XPO6: variants seen among roughly 807,000 people sequenced by gnomAD.
XPO6 encodes the protein exportin-6.
XPO6 carries 3 observed loss-of-function variants against 130.0 expected under a neutral mutation model. The ratio of observed to expected loss-of-function variants is 0.02; its 90% CI spans 0.01 to 0.06. The LOEUF (loss-of-function observed/expected upper bound fraction) is 0.06, where lower values mean the gene tolerates loss of function less well. XPO6 is among the 10% of genes least tolerant of loss of function. The probability of loss-of-function intolerance (pLI) is 1.00; values close to 1 mark genes in which losing one functional copy is unlikely to be tolerated. For missense variants in XPO6, 970 were observed against 1,393.0 expected, an observed-to-expected ratio of 0.70 and a Z score of 4.83; for synonymous variants, 524 against 548.9, an observed-to-expected ratio of 0.95 and a Z score of 0.63.
At position 28,101,982 on chromosome 16, in the gene XPO6, C is replaced by G. The variant is rs1200764751; in HGVS notation, c.2947-37G>C. On this transcript the variant is annotated intron_variant, in intron 21 of 23. Coordinates refer to ENST00000304658, the MANE Select transcript of XPO6 (RefSeq NM_015171.4). The surrounding 1 kb of genome is among the most constrained non-coding windows in gnomAD (Gnocchi z 5.4). The stretch of plus-strand genomic sequence containing the variant: ...GACCACCATTTTATAAACTGCAAGA[C>G]CAAGCACTTCTGGAGCATCTACCCC... 13 of 1,566,572 alleles carry G rather than the reference C, an allele frequency of 8.3e-6. No individual in the cohort carries two copies. The highest frequency in any genetic ancestry group is 1.1e-5 in the Non-Finnish European group (12 of 1,139,526).
Position 28,181,520 on chromosome 16 carries a change from T to TG in XPO6, c.4-490_4-489insC, listed in dbSNP as rs1281274932. On this transcript the variant is annotated intron_variant, in intron 1 of 23. Transcript: ENST00000304658. Reference sequence around the variant, plus strand: ...TTGGGGGGTAACCAGGGAGAGTGGTTTTTTTTTTTTTAAGAGACAGGGTCT... The same window carrying TG: ...TTGGGGGGTAACCAGGGAGAGTGGTTGTTTTTTTTTTTAAGAGACAGGGTCT... Among the ~76,000 whole-genome samples the TG allele has an allele frequency of 2.7e-3, 394 of 146,410 alleles. 1 individual carries two copies. Among genetic ancestry groups the TG allele is most frequent in the Non-Finnish European group, 3.0e-3 (200 of 66,766 alleles).
intron 1 of XPO6, among the ~76,000 whole-genome samples, chr16:28,203,678 T>C (rs904046997): frequency 2.6e-4 from 39 of 152,162 alleles, no homozygotes; most frequent in African/African-American, 9.2e-4. Context: ...CTACTCTCAA[T>C]CGCCAGGTTA....
intron 1 of XPO6, among the ~76,000 whole-genome samples, chr16:28,204,237 A>G (rs1208599315): frequency 1.3e-5 from 2 of 152,132 alleles, no homozygotes; most frequent in Admixed American, 1.3e-4. Flanking sequence ...GACCAACCTC[A>G]TTAATAATAT....
intron 1 of XPO6, among the ~76,000 whole-genome samples, chr16:28,199,474 G>C (rs1480450349): frequency 6.6e-6 from 1 of 151,896 alleles, no homozygotes; most frequent in Non-Finnish European, 1.5e-5. Context: ...GACAGGTTTC[G>C]CCATGTTGGT....
intron 4 of XPO6, among the ~76,000 whole-genome samples, chr16:28,173,476 C>T (rs1353996923): frequency 1.3e-5 from 2 of 152,160 alleles, no homozygotes; most frequent in African/African-American, 2.4e-5. Flanking sequence ...GGGGCAGTAG[C>T]TCACGCCTAT....
intron 14 of XPO6, among the ~76,000 whole-genome samples, chr16:28,120,115 G>A (rs2087193286): frequency 6.6e-6 from 1 of 152,136 alleles, no homozygotes; most frequent in Non-Finnish European, 1.5e-5. Context: ...AAAATGCTGG[G>A]ATTACAGGTA....
chr16:28,184,844 T>G (rs1678358841), intron 1 of XPO6, among the ~76,000 whole-genome samples: 1 of 152,168 alleles, frequency 6.6e-6, no homozygotes, highest in South Asian at 2.1e-4. Context: ...GGTGGGAGTA[T>G]ACACTGGTAC....
chr16:28,190,913 C>T (rs2043777181), intron 1 of XPO6, among the ~76,000 whole-genome samples: 2 of 150,354 alleles, frequency 1.3e-5, no homozygotes, highest in Non-Finnish European at 3.0e-5. Flanking sequence ...ATAACGTTAA[C>T]AGGACAAAAT....
In XPO6 at chr16:28,106,582, C is replaced by T; in HGVS notation, c.2498-85G>A. The T allele has an allele frequency of 9.5e-7, 1 of 1,049,734 alleles. No homozygotes were observed. The highest frequency in any genetic ancestry group is 1.5e-6 in the Non-Finnish European group (1 of 683,172). 65.0% of individuals were successfully genotyped at this position (1,049,734 alleles called of 1,614,324 possible). A position where few individuals can be genotyped will look rare whatever the true frequency, so the allele number is the denominator to read the frequency against. ...GGCTTCATCAACCTACTCCTGAAAT[C>T]TGCACTATCAGCTTTCTCTACAGCT... On this transcript the variant is annotated intron_variant, in intron 18 of 23. Transcript: ENST00000304658. This position sits in a 1 kb window ranked among gnomAD's most constrained non-coding sequence, Gnocchi z 4.2.
Position 28,098,398 on chromosome 16 carries a change from C to T in XPO6, c.*140G>A, listed in dbSNP as rs1182981079. ...TGGGCAGCGGCAAGATGTGGAGGAG[C>T]GGCAGAGGCAGGCAGCGTTGCTTGC... is the stretch of plus-strand genomic sequence containing the variant. On this transcript the variant is annotated 3_prime_UTR_variant, in exon 24 of 24. Transcript: ENST00000304658. 7.2e-6 allele frequency: 5 copies of T among 690,836 alleles called. No homozygotes were observed. The highest frequency in any genetic ancestry group is 1.2e-5 in the Non-Finnish European group (5 of 410,624). The allele number at this position is 690,836 out of a possible 1,614,324, so 42.8% of individuals were successfully genotyped here.
chr16:28,206,099 T>C (rs2044025126), intron 1 of XPO6, among the ~76,000 whole-genome samples: 1 of 148,272 alleles, frequency 6.7e-6, no homozygotes, highest in South Asian at 2.1e-4. Flanking sequence ...AATGGGTTCA[T>C]AGGTTCATAG....
At chr16:28,202,929 A>C (rs1279000479) in intron 1 of XPO6, among the ~76,000 whole-genome samples, 2 of 152,216 alleles carry the variant, frequency 1.3e-5, no homozygotes, top group African/African-American at 4.8e-5. Context: ...AATACGCATT[A>C]AACTGAACTC....
At chr16:28,186,627 C>G (rs907468540) in intron 1 of XPO6, among the ~76,000 whole-genome samples, 1 of 151,310 alleles carries the variant, frequency 6.6e-6, no homozygotes, top group Non-Finnish European at 1.5e-5. Context: ...ACCTTGGCCT[C>G]CCAAAATGCT....
chr16:28,209,087 G>A (rs1291672443), intron 1 of XPO6: 1 of 152,146 alleles, frequency 6.6e-6, no homozygotes. Context: ...AGTCACAACA[G>A]GCCAAATACT....
intron 12 of XPO6, among the ~76,000 whole-genome samples, chr16:28,131,794 C>T (rs1177703642): frequency 2.0e-5 from 3 of 152,316 alleles, no homozygotes; most frequent in Middle Eastern, 6.8e-3. Context: ...GAAGCTATTA[C>T]TATTATTGTT....
Position 28,209,657 on chromosome 16 carries a change from A to AG in XPO6, c.3+1708_3+1709insC, listed in dbSNP as rs1486888861. Among the ~76,000 whole-genome samples the AG allele has an allele frequency of 7.2e-5, 11 of 152,010 alleles. No individual in the cohort carries two copies. The East Asian group carries it at 2.1e-3, about 29-fold the overall frequency. On this transcript the variant is annotated intron_variant, in intron 1 of 23. Transcript: ENST00000304658. ...CTCCATCTCAAAAAAAAAAAAAAAA[A>AG]AAGCATTACTGAAAGAATAAATGAA... is the stretch of plus-strand genomic sequence containing the variant.
rs536013998 is a variant in XPO6 at position 28,132,909 on chromosome 16, G to A, written c.1537-506C>T. On this transcript the variant is annotated intron_variant, in intron 11 of 23. Transcript: ENST00000304658. The surrounding 1 kb of genome is among the most constrained non-coding windows in gnomAD (Gnocchi z 4.0). The stretch of plus-strand genomic sequence containing the variant: ...TAGCGGTCAGAACGTCATAACCGGA[G>A]CTGCATCTTTCTTTCTCAAGCTGCT... Among the ~76,000 whole-genome samples, 1 of 152,336 alleles carries A rather than the reference G, an allele frequency of 6.6e-6. No homozygotes were observed. The highest frequency in any genetic ancestry group is 2.1e-4 in the South Asian group (1 of 4,826).
At chr16:28,160,886 A>C (rs1324118382) in intron 6 of XPO6, among the ~76,000 whole-genome samples, 1 of 152,254 alleles carries the variant, frequency 6.6e-6, no homozygotes, top group Non-Finnish European at 1.5e-5. Flanking sequence ...TTAAATGAAA[A>C]AAACTGTATT....
intron 23 of XPO6, 136 bp from the exon 24 acceptor site, chr16:28,098,775 G>C (rs1010939549): frequency 5.1e-6 from 3 of 590,006 alleles, no homozygotes; most frequent in Admixed American, 6.1e-5. Flanking sequence ...TCTATTCACT[G>C]TTGCACTGCG....
Sources: allele counts gnomAD v4.1 joint callset (sites outside exome capture counted in the v4.1 genomes callset), GRCh38; gene constraint gnomAD v4.1.1; non-coding constraint Gnocchi (gnomAD v3.1); transcripts MANE v1.5; gene names NCBI Gene and HGNC (gene_info 2026-07-23, HGNC 2026-07-21).